B3GALT1: variants seen among roughly 807,000 people sequenced by gnomAD.
B3GALT1 encodes beta-1,3-galactosyltransferase 1, also known as UDP-Gal:betaGlcNAc beta 1,3-galactosyltransferase, polypeptide 1.
A neutral mutation model predicts 23.2 loss-of-function variants in B3GALT1; 10 were observed. The ratio of observed to expected loss-of-function variants is 0.43; its 90% confidence interval spans 0.27 to 0.73. The LOEUF (loss-of-function observed/expected upper bound fraction) is 0.73, where lower values mean the gene tolerates loss of function less well. B3GALT1 is among the 30% of genes least tolerant of loss of function. The pLI is 0.21. For synonymous variants in B3GALT1, 156 were observed against 141.5 expected (o/e 1.10, Z -0.73); for missense variants, 299 against 405.4 (o/e 0.74, Z 2.25).
chr2:167,768,251 A>G (rs867910471), intron 3 of B3GALT1, among the ~76,000 whole-genome samples: 5 of 152,376 alleles, frequency 3.3e-5, no homozygotes, highest in African/African-American at 1.2e-4. Flanking sequence ...AAAGGTATTT[A>G]TAAAATATGT....
rs1688834641 is a variant in B3GALT1, at chr2:167,809,608, G to A, written c.-351-9064G>A. On this transcript the variant is annotated intron_variant, in intron 3 of 4. Transcript: ENST00000392690. ...AGGCTGCAGAACAGTGGATATTGGTGAACAGCAGATGTTGCTGCCTGATCG... is the reference window on the plus strand; with the variant it reads ...AGGCTGCAGAACAGTGGATATTGGTAAACAGCAGATGTTGCTGCCTGATCG... Among the ~76,000 whole-genome samples, 6 of 152,202 alleles carry A rather than the reference G, an allele frequency of 3.9e-5. No homozygotes were observed. The South Asian group carries it at 1.2e-3, about 32-fold the overall frequency.
chr2:167,502,078 A>C (rs1314850378), intron 2 of B3GALT1, among the ~76,000 whole-genome samples: 2 of 152,230 alleles, frequency 1.3e-5, no homozygotes, highest in African/African-American at 4.8e-5. Flanking sequence ...TCATTTAACA[A>C]ATATTCACTG....
intron 2 of B3GALT1, among the ~76,000 whole-genome samples, chr2:167,549,100 C>G (rs1167246647): frequency 6.6e-6 from 1 of 152,196 alleles, no homozygotes; most frequent in Non-Finnish European, 1.5e-5. Context: ...TAGTTTCTAA[C>G]TCATTACTGA....
chr2:167,838,912 A>G (rs369254106), intron 4 of B3GALT1, among the ~76,000 whole-genome samples: 2 of 152,352 alleles, frequency 1.3e-5, no homozygotes, highest in African/African-American at 4.8e-5. Context: ...TATAAACAGA[A>G]CCAAAGACAA....
intron 2 of B3GALT1, among the ~76,000 whole-genome samples, chr2:167,596,375 T>C (rs1684773980): frequency 6.6e-6 from 1 of 152,206 alleles, no homozygotes; most frequent in African/African-American, 2.4e-5. Context: ...AGAGGCAGTG[T>C]GCTGTAGTTG....
chr2:167,481,736 C>G (rs1699565337), intron 1 of B3GALT1, among the ~76,000 whole-genome samples: 1 of 152,174 alleles, frequency 6.6e-6, no homozygotes, highest in Admixed American at 6.5e-5. Flanking sequence ...GCTTGCCTTT[C>G]CAGGAAGTTC....
At chr2:167,601,159 A>T (rs1444053654) in intron 2 of B3GALT1, among the ~76,000 whole-genome samples, 1 of 152,100 alleles carries the variant, frequency 6.6e-6, no homozygotes, top group East Asian at 1.9e-4. Context: ...TCCCTGGTTC[A>T]AGCGATTCTC....
At chr2:167,848,140 C>T (rs552707913) in intron 4 of B3GALT1, among the ~76,000 whole-genome samples, 5 of 152,156 alleles carry the variant, frequency 3.3e-5, no homozygotes, top group Admixed American at 1.3e-4. Flanking sequence ...AAATAGATTC[C>T]GAGCAGAATT....
intron 3 of B3GALT1, among the ~76,000 whole-genome samples, chr2:167,809,193 T>C (rs1688826323): frequency 6.6e-6 from 1 of 152,210 alleles, no homozygotes; most frequent in Non-Finnish European, 1.5e-5. Flanking sequence ...GTCTAATCTT[T>C]TTTCAAGGTT....
rs188134738 is a variant in B3GALT1, at chr2:167,625,172, C to T, written c.-409-21737C>T. Reference sequence around the variant, plus strand: ...GTAAATTGGAAAAGTATAAACCCTTCCCTCTTTTTCTTTCAAACAATTTAA... The same window carrying T: ...GTAAATTGGAAAAGTATAAACCCTTTCCTCTTTTTCTTTCAAACAATTTAA... On this transcript the variant is annotated intron_variant, in intron 2 of 4. Transcript: ENST00000392690. Among the ~76,000 whole-genome samples, 368 of 151,986 alleles carry T rather than the reference C, an allele frequency of 2.4e-3. 1 individual carries two copies. Among genetic ancestry groups the T allele is most frequent in the Non-Finnish European group, 4.1e-3 (277 of 67,882 alleles).
At chr2:167,353,283 G>T (rs1198152540) in intron 1 of B3GALT1, among the ~76,000 whole-genome samples, 1 of 152,178 alleles carries the variant, frequency 6.6e-6, no homozygotes, top group Non-Finnish European at 1.5e-5. Context: ...AGGTCTTGAG[G>T]TGGTGTATTT....
intron 3 of B3GALT1, among the ~76,000 whole-genome samples, chr2:167,678,819 C>T (rs980114442): frequency 6.6e-6 from 1 of 152,146 alleles, no homozygotes. Flanking sequence ...TTTCTGGATA[C>T]ACTTTACGTA....
chr2:167,752,160 T>C lies in B3GALT1; in HGVS notation c.-351-66512T>C, dbSNP rs141277510. ...AGAATTTAACTTGGAAATTGCAGCATTTTCAAGGTGAAAAGTGGAAACAAA... is the reference window on the plus strand; with the variant it reads ...AGAATTTAACTTGGAAATTGCAGCACTTTCAAGGTGAAAAGTGGAAACAAA... On this transcript the variant is annotated intron_variant, in intron 3 of 4. Coordinates refer to ENST00000392690, the MANE Select transcript of B3GALT1 (RefSeq NM_020981.4). 1.4e-3 allele frequency among the ~76,000 whole-genome samples: 219 copies of C among 152,270 alleles called. 1 individual carries two copies. The highest frequency in any genetic ancestry group is 5.0e-3 in the African/African-American group (209 of 41,566).
intron 2 of B3GALT1, among the ~76,000 whole-genome samples, chr2:167,646,029 T>A (rs1147153): frequency 0.98 from 149,921 of 152,290 alleles, 73,854 homozygotes; most frequent in Middle Eastern, 1. Context: ...TTTCCTGGTG[T>A]ACAGTTTTCT....
chr2:167,315,195 C>G (rs141815523), intron 1 of B3GALT1, among the ~76,000 whole-genome samples: 3 of 152,174 alleles, frequency 2.0e-5, no homozygotes, highest in Non-Finnish European at 2.9e-5. Flanking sequence ...TTTTGCTCCA[C>G]GTCAACCCAT....
chr2:167,670,871 A>G (rs574434554), intron 3 of B3GALT1, among the ~76,000 whole-genome samples: 76 of 152,294 alleles, frequency 5.0e-4, no homozygotes, highest in African/African-American at 1.7e-3. Context: ...AATGAAGAAG[A>G]GTGAATAAAG....
At chr2:167,855,751 C>A (rs541136900) in intron 4 of B3GALT1, among the ~76,000 whole-genome samples, 2 of 152,194 alleles carry the variant, frequency 1.3e-5, no homozygotes, top group Admixed American at 6.5e-5. Context: ...CACGACTGAC[C>A]TGTTTTCAGT....
At chr2:167,443,645 A>G (rs576336556) in intron 1 of B3GALT1, among the ~76,000 whole-genome samples, 16 of 152,206 alleles carry the variant, frequency 1.1e-4, no homozygotes, top group Admixed American at 3.9e-4. Flanking sequence ...TGTGAATGGG[A>G]GTTCACTCAT....
chr2:167,596,283 T>C lies in B3GALT1; in HGVS notation c.-409-50626T>C, dbSNP rs117454255. 1.2e-4 allele frequency among the ~76,000 whole-genome samples: 18 copies of C among 152,296 alleles called. No individual in the cohort carries two copies. In the East Asian group the frequency reaches 2.9e-3, roughly 24 times the overall value. ...CAGGAAGTACCTAAAGTGTGGTGCC[T>C]TATTTGACTGTGCCTGCTGACTTAA... is the stretch of plus-strand genomic sequence containing the variant. On this transcript the variant is annotated intron_variant, in intron 2 of 4. Transcript: ENST00000392690.
Sources: allele counts gnomAD v4.1 joint callset (sites outside exome capture counted in the v4.1 genomes callset), GRCh38; gene constraint gnomAD v4.1.1; transcripts MANE v1.5; gene names NCBI Gene and HGNC (gene_info 2026-07-23, HGNC 2026-07-21).